The following GARRE1 variants were observed in gnomAD, a reference collection of about 807,000 sequenced individuals.
GARRE1 encodes granule associated Rac and RHOG effector 1, also known as granule associated Rac and RHOG effector protein 1.
A neutral mutation model predicts 103.2 loss-of-function variants in GARRE1; 49 were observed. The observed-to-expected ratio is 0.47, with a 90% CI of 0.38 to 0.60. The LOEUF (loss-of-function observed/expected upper bound fraction) is 0.60, where lower values mean the gene tolerates loss of function less well. GARRE1 is among the 20% of genes least tolerant of loss of function. The pLI is 0.00. For missense variants in GARRE1, 1,199 were observed against 1,370.5 expected (o/e 0.87, Z 1.98); for synonymous variants, 505 against 532.8 (o/e 0.95, Z 0.72).
intron 2 of GARRE1, among the ~76,000 whole-genome samples, chr19:34,304,336 A>G (rs1363774106): frequency 1.3e-5 from 2 of 149,408 alleles, no homozygotes; most frequent in Non-Finnish European, 3.0e-5. Context: ...AAATGCTGGG[A>G]TCACAGGCGT....
chr19:34,301,109 G>A (rs2073976658), intron 2 of GARRE1, 141 bp downstream of exon 2: 6 of 914,284 alleles, frequency 6.6e-6, no homozygotes. Context: ...TGTAAAAAAT[G>A]TGTGCGTGCC....
At chr19:34,343,437 A>C (rs1406084049) in intron 10 of GARRE1, among the ~76,000 whole-genome samples, 3 of 151,158 alleles carry the variant, frequency 2.0e-5, no homozygotes, top group Non-Finnish European at 1.5e-5. Flanking sequence ...ACCCTGTCTC[A>C]AAAAAAAGCC....
chr19:34,305,898 C>G (rs2074005475), intron 2 of GARRE1, among the ~76,000 whole-genome samples: 2 of 152,264 alleles, frequency 1.3e-5, no homozygotes, highest in Non-Finnish European at 2.9e-5. Flanking sequence ...AGTCTGGAAA[C>G]TAAGTATTTG....
intron 2 of GARRE1, among the ~76,000 whole-genome samples, chr19:34,313,093 T>C (rs2074044432): frequency 6.6e-6 from 1 of 152,162 alleles, no homozygotes; most frequent in Non-Finnish European, 1.5e-5. Context: ...AATAGGTCTG[T>C]GATGCCTATT....
intron 3 of GARRE1, among the ~76,000 whole-genome samples, chr19:34,325,332 T>C (rs918859915): frequency 6.6e-6 from 1 of 152,140 alleles, no homozygotes; most frequent in Non-Finnish European, 1.5e-5. Context: ...CCACTTCCTG[T>C]GGGCTTCAGG....
At chr19:34,347,689 G>A (rs1028682124) in intron 10 of GARRE1, among the ~76,000 whole-genome samples, 188 bp from the exon 11 acceptor site, 2 of 152,186 alleles carry the variant, frequency 1.3e-5, no homozygotes, top group African/African-American at 2.4e-5. Context: ...TCAGCCCTAG[G>A]TGCGGCAAGT....
intron 1 of GARRE1, among the ~76,000 whole-genome samples, chr19:34,294,813 A>G (rs996911739): frequency 7.2e-5 from 11 of 152,212 alleles, no homozygotes; most frequent in Admixed American, 5.2e-4. Context: ...AGCTGGGACT[A>G]TGGGTGGGCA....
chr19:34,283,299 A>G lies in GARRE1; in HGVS notation c.-795-16380A>G, dbSNP rs1599754638. Among the ~76,000 whole-genome samples, 6 of 152,336 alleles carry G rather than the reference A, an allele frequency of 3.9e-5. No homozygotes were observed. In the South Asian group the frequency reaches 8.3e-4, roughly 21 times the overall value. On this transcript the variant is annotated intron_variant, in intron 1 of 13. Coordinates refer to ENST00000299505, the MANE Select transcript of GARRE1 (RefSeq NM_014686.5). ...TGCATAGTCCATGTAAGTAGAAGTT[A>G]GTTATCAATGAAGTGTGTGATGCTT...
intron 3 of GARRE1, among the ~76,000 whole-genome samples, chr19:34,320,450 A>G (rs2074081676): frequency 6.6e-6 from 1 of 152,164 alleles, no homozygotes; most frequent in African/African-American, 2.4e-5. Flanking sequence ...GAAAGCTTCT[A>G]AGATGGGGGA....
At chr19:34,321,953 G>A (rs1203515510) in intron 3 of GARRE1, among the ~76,000 whole-genome samples, 1 of 152,134 alleles carries the variant, frequency 6.6e-6, no homozygotes, top group Non-Finnish European at 1.5e-5. Flanking sequence ...GGAGAATTGT[G>A]GGATTCTCCT....
rs888185599 is a variant in GARRE1, at chr19:34,268,348, T to G, written c.-796+13734T>G. 5.3e-5 allele frequency among the ~76,000 whole-genome samples: 8 copies of G among 152,226 alleles called. No homozygotes were observed. The South Asian group carries it at 1.2e-3, about 24-fold the overall frequency. ...TTGTATGTGTTTGTAGACAAAACTT[T>G]CCTTGGCGGGGATTTGCCCCTTTTT... On this transcript the variant is annotated intron_variant, in intron 1 of 13. Transcript: ENST00000299505.
chr19:34,293,229 G>A (rs979525764), intron 1 of GARRE1, among the ~76,000 whole-genome samples: 1 of 152,088 alleles, frequency 6.6e-6, no homozygotes, highest in African/African-American at 2.4e-5. Flanking sequence ...TGTGAGCTTA[G>A]CACTAAAGTA....
intron 1 of GARRE1, among the ~76,000 whole-genome samples, chr19:34,275,314 A>T (rs192271270): frequency 6.6e-6 from 1 of 152,274 alleles, no homozygotes; most frequent in East Asian, 1.9e-4. Flanking sequence ...GTATGTTCAT[A>T]GTTATGCAAC....
intron 2 of GARRE1, among the ~76,000 whole-genome samples, chr19:34,316,057 C>CT (rs1201122372): frequency 3.9e-5 from 6 of 152,282 alleles, no homozygotes; most frequent in Non-Finnish European, 5.9e-5. Flanking sequence ...AAAGAGTAGC[C>CT]TGGTGGTTAG....
intron 1 of GARRE1, among the ~76,000 whole-genome samples, chr19:34,280,695 G>T (rs943080885): frequency 1.3e-5 from 2 of 152,030 alleles, no homozygotes; most frequent in African/African-American, 4.8e-5. Flanking sequence ...TGCTTAAGTT[G>T]TCCCATTATT....
chr19:34,297,381 A>C (rs1234188385), intron 1 of GARRE1, among the ~76,000 whole-genome samples: 1 of 152,182 alleles, frequency 6.6e-6, no homozygotes, highest in Non-Finnish European at 1.5e-5. Flanking sequence ...TCATTTAGAG[A>C]AAGTTTGGAA....
Position 34,353,362 on chromosome 19 carries a change from C to T in GARRE1, c.*407C>T, listed in dbSNP as rs1392847365. 4.8e-6 allele frequency: 1 copy of T among 207,638 alleles called. No individual in the cohort carries two copies. The highest frequency in any genetic ancestry group is 1.0e-4 in the East Asian group (1 of 9,644). The allele number at this position is 207,638 out of a possible 1,614,324, so 12.9% of individuals were successfully genotyped here. ...GGCATAACTGACCATTTTTTGGAAA[C>T]CCTCTCCTCCCTCCTCCACACCTTG... On this transcript the variant is annotated 3_prime_UTR_variant, in exon 14 of 14. Coordinates refer to ENST00000299505, the MANE Select transcript of GARRE1 (RefSeq NM_014686.5).
intron 1 of GARRE1, among the ~76,000 whole-genome samples, chr19:34,290,874 C>CTTTTTTTTTTTTTTTTTTTTTTT (rs71165641): frequency 1.6e-5 from 1 of 63,196 alleles, no homozygotes; most frequent in East Asian, 6.6e-4. Context: ...AAGCATATTG[C>CTTTTTTTTTTTTTTTTTTTTTTT]TTTTTTTTTT....
chr19:34,351,511 C>T lies in GARRE1; in HGVS notation c.2826-3C>T. 6.2e-7 allele frequency: 1 copy of T among 1,613,006 alleles called. No individual in the cohort carries two copies. The highest frequency in any genetic ancestry group is 8.5e-7 in the Non-Finnish European group (1 of 1,179,056). On this transcript the variant is annotated splice_polypyrimidine_tract_variant and splice_region_variant and intron_variant, in intron 12 of 13. Transcript: ENST00000299505. ...CACTGCCCTGAGCTCTTGGTTCTTG[C>T]AGGAAACACAGCAGTGGAGAGCAAG...
Sources: gnomAD v4.1 joint callset for allele counts (sites outside exome capture counted in the v4.1 genomes callset) on GRCh38, gnomAD v4.1.1 for gene constraint, MANE v1.5 for transcripts, NCBI Gene and HGNC (gene_info 2026-07-23, HGNC 2026-07-21) for gene names.